DIXDC1: variants seen among roughly 807,000 people sequenced by gnomAD.
DIXDC1 encodes dixin.
In DIXDC1, 64 loss-of-function variants were observed where a neutral mutation model predicts 103.1. The ratio of observed to expected loss-of-function variants is 0.62; its 90% CI spans 0.51 to 0.76. The LOEUF (loss-of-function observed/expected upper bound fraction) is 0.76, where lower values mean the gene tolerates loss of function less well. DIXDC1 is among the 30% of genes least tolerant of loss of function. The pLI, the probability that DIXDC1 is intolerant of heterozygous loss-of-function variation, is 0.00. For synonymous variants in DIXDC1, 266 were observed against 298.5 expected, an observed-to-expected ratio of 0.89 and a Z score of 1.12; for missense variants, 759 against 834.2, an observed-to-expected ratio of 0.91 and a Z score of 1.11.
intron 2 of DIXDC1, 46 bp downstream of exon 2, chr11:111,964,724 C>A: frequency 6.5e-7 from 1 of 1,528,344 alleles, no homozygotes; most frequent in Non-Finnish European, 8.8e-7. Context: ...AGATCAGAAT[C>A]TGGCCTTCTT....
intron 17 of DIXDC1, among the ~76,000 whole-genome samples, chr11:112,007,741 A>G (rs1555176756): frequency 6.6e-6 from 1 of 152,208 alleles, no homozygotes; most frequent in Non-Finnish European, 1.5e-5. Flanking sequence ...AAAATCCTTA[A>G]CAGACAAGCA....
chr11:111,990,089 CTTT>C (rs150547427), intron 10 of DIXDC1, among the ~76,000 whole-genome samples: 1 of 132,436 alleles, frequency 7.6e-6, no homozygotes, highest in African/African-American at 2.8e-5. Context: ...CGCGCCCGGC[CTTT>C]TTTTTTTTTT....
chr11:111,995,400 C>G lies in DIXDC1; in HGVS notation c.1528-3C>G. 1 of 1,611,060 alleles carries G rather than the reference C, an allele frequency of 6.2e-7. No homozygotes were observed. Among genetic ancestry groups the G allele is most frequent in the African/African-American group, 1.3e-5 (1 of 75,026 alleles). ...GCCAGCAACACCTTATTTTTGCCCACAGACCAGCGACCTGCAGCTTGTTCG... is the reference window on the plus strand; with the variant it reads ...GCCAGCAACACCTTATTTTTGCCCAGAGACCAGCGACCTGCAGCTTGTTCG... On this transcript the variant is annotated splice_region_variant and splice_polypyrimidine_tract_variant and intron_variant, in intron 15 of 19. Transcript: ENST00000440460.
At position 112,009,873 on chromosome 11, in the gene DIXDC1, G is replaced by A. The variant is rs587757942; in HGVS notation, c.1757-6818G>A. 2.1e-3 allele frequency among the ~76,000 whole-genome samples: 319 copies of A among 152,270 alleles called. 3 individuals carry two copies. The highest frequency in any genetic ancestry group is 7.3e-3 in the African/African-American group (305 of 41,556). On this transcript the variant is annotated intron_variant, in intron 17 of 19. Transcript: ENST00000440460. ...ATATCATATTGAATGGGCAAAAACT[G>A]GAAGCATTTCTTTTGAAAACTGGCA...
At chr11:111,966,214 T>TG (rs1403296723) in intron 2 of DIXDC1, among the ~76,000 whole-genome samples, 12 of 128,524 alleles carry the variant, frequency 9.3e-5, no homozygotes, top group Non-Finnish European at 1.6e-5. Flanking sequence ...GGGGTTTTTT[T>TG]TTTTTTTTTT....
chr11:111,987,082 C>G (rs1356864816), intron 9 of DIXDC1, among the ~76,000 whole-genome samples, 158 bp downstream of exon 9: 1 of 152,074 alleles, frequency 6.6e-6, no homozygotes, highest in Non-Finnish European at 1.5e-5. Context: ...AACCCCGTCT[C>G]TACCAAAAAT....
chr11:112,013,151 C>T (rs1329526320), intron 17 of DIXDC1, among the ~76,000 whole-genome samples: 2 of 152,080 alleles, frequency 1.3e-5, no homozygotes, highest in African/African-American at 2.4e-5. Flanking sequence ...TCTGTGTCCT[C>T]ACATGGGGGA....
intron 5 of DIXDC1, chr11:111,975,243 G>A (rs1295281239): frequency 4.0e-6 from 5 of 1,264,434 alleles, no homozygotes; most frequent in Non-Finnish European, 4.0e-6. Flanking sequence ...CCACATGGGG[G>A]CATGGCTGGA....
At chr11:111,984,418 A>T (rs1860421743) in intron 7 of DIXDC1, among the ~76,000 whole-genome samples, 1 of 152,114 alleles carries the variant, frequency 6.6e-6, no homozygotes, top group Admixed American at 6.5e-5. Context: ...GTGGTGGCGC[A>T]TGCCTCTAAT....
At chr11:112,013,867 A>C (rs1458050969) in intron 17 of DIXDC1, among the ~76,000 whole-genome samples, 1 of 152,158 alleles carries the variant, frequency 6.6e-6, no homozygotes, top group East Asian at 1.9e-4. Context: ...GCTGGCTGGA[A>C]AGTTGGGCAT....
chr11:111,950,825 C>T (rs1310814220), intron 1 of DIXDC1, among the ~76,000 whole-genome samples: 2 of 152,110 alleles, frequency 1.3e-5, no homozygotes, highest in African/African-American at 4.8e-5. Flanking sequence ...ATAATCATAT[C>T]AGTGTAAATG....
chr11:111,930,373 G>A (rs587739583), intron 2 of DIXDC1, among the ~76,000 whole-genome samples: 5 of 151,892 alleles, frequency 3.3e-5, no homozygotes, highest in African/African-American at 9.7e-5. Context: ...TCTGCCTCCC[G>A]GGTTCAAGCA....
At chr11:111,933,580 C>CCCAT (rs1389445653), upstream of DIXDC1, among the ~76,000 whole-genome samples, 5 of 151,922 alleles carry the variant, frequency 3.3e-5, no homozygotes, top group Non-Finnish European at 7.4e-5. Context: ...TGGGCACATA[C>CCCAT]CACCATGAGT....
At chr11:112,011,939 A>G (rs905544404) in intron 17 of DIXDC1, among the ~76,000 whole-genome samples, 3 of 152,240 alleles carry the variant, frequency 2.0e-5, no homozygotes, top group Non-Finnish European at 2.9e-5. Context: ...GCACCCTAGA[A>G]CTTAAAGTAT....
intron 1 of DIXDC1, among the ~76,000 whole-genome samples, chr11:111,928,716 T>G (rs1965917504): frequency 6.6e-6 from 1 of 151,554 alleles, no homozygotes; most frequent in Non-Finnish European, 1.5e-5. Context: ...GAGCTGAGAT[T>G]GCGCCACTGC....
chr11:111,985,830 A>G (rs1755973385), intron 8 of DIXDC1, among the ~76,000 whole-genome samples: 1 of 152,126 alleles, frequency 6.6e-6, no homozygotes, highest in Non-Finnish European at 1.5e-5. Context: ...CTCCACTTGT[A>G]AGTCCCATAA....
chr11:111,946,936 T>A, intron 1 of DIXDC1: 1 of 181,676 alleles, frequency 5.5e-6, no homozygotes, highest in Non-Finnish European at 1.2e-5. Context: ...GCAAGATCTA[T>A]TTCTCAATAT....
intron 10 of DIXDC1, among the ~76,000 whole-genome samples, chr11:111,990,715 G>GT (rs1293472335): frequency 2.6e-5 from 4 of 151,736 alleles, no homozygotes; most frequent in South Asian, 2.1e-4. Context: ...GTGTTGTTTT[G>GT]TTTTTTCTGA....
At position 111,943,499 on chromosome 11, in the gene DIXDC1, T is replaced by G. The variant is rs587637237; in HGVS notation, c.60+5940T>G. On this transcript the variant is annotated intron_variant, in intron 1 of 19. Coordinates refer to ENST00000440460, the MANE Select transcript of DIXDC1 (RefSeq NM_001037954.4). ...ATTTTCTTTCTCTCTTTTTTTTTTT[T>G]TTTTTTTTTTTGTTTTTTGAGACGG... Among the ~76,000 whole-genome samples, 592 of 145,580 alleles carry G rather than the reference T, an allele frequency of 4.1e-3. 3 individuals carry two copies. The highest frequency in any genetic ancestry group is 6.5e-3 in the Non-Finnish European group (435 of 67,106).
Sources: allele counts gnomAD v4.1 joint callset (sites outside exome capture counted in the v4.1 genomes callset), GRCh38; gene constraint gnomAD v4.1.1; transcripts MANE v1.5; gene names NCBI Gene and HGNC (gene_info 2026-07-23, HGNC 2026-07-21).